Variants in KIF5C observed in about 807,000 individuals in gnomAD.
KIF5C encodes kinesin family member 5C, also known as kinesin heavy chain isoform 5C.
Under a neutral mutation model 125.2 loss-of-function variants are expected in KIF5C, and 18 were observed. The observed-to-expected ratio is 0.14, with a 90% CI of 0.10 to 0.21. The LOEUF is 0.21. Among genes scored for constraint, KIF5C ranks in the 10% least tolerant of loss-of-function variants. KIF5C has a pLI of 1.00. For missense variants in KIF5C, 780 were observed against 1,183.8 expected, an observed-to-expected ratio of 0.66 and a Z score of 5.01; for synonymous variants, 405 against 434.0, an observed-to-expected ratio of 0.93 and a Z score of 0.83.
At chr2:148,988,172 T>C (rs182158691) in intron 15 of KIF5C, among the ~76,000 whole-genome samples, 1 of 151,962 alleles carries the variant, frequency 6.6e-6, no homozygotes, top group Non-Finnish European at 1.5e-5. Flanking sequence ...TTTTTTTAAA[T>C]AACAGTGTCC....
chr2:149,000,029 G>C (rs943968354), intron 19 of KIF5C: 1 of 166,562 alleles, frequency 6.0e-6, no homozygotes, highest in Non-Finnish European at 1.3e-5. Context: ...GACCAGAAAT[G>C]AGGGAAGGTG....
rs1181652502 is a variant in KIF5C at position 148,879,900 on chromosome 2, C to G, written c.126+4157C>G. ...CAGAGCAAAACATCAGCCACAAACC[C>G]TAAGCTGGAAAGTGGCCCCAGTCTT... On this transcript the variant is annotated intron_variant, in intron 1 of 25. Transcript: ENST00000435030. 3 of 152,284 alleles carry G rather than the reference C, an allele frequency of 2.0e-5. No individual in the cohort carries two copies. The East Asian group carries it at 5.8e-4, about 29-fold the overall frequency. The allele number at this position is 152,284 out of a possible 1,614,324, so 9.4% of individuals were successfully genotyped here. A position where few individuals can be genotyped will look rare whatever the true frequency, so the allele number is the denominator to read the frequency against.
chr2:148,998,102 G>A (rs749197920), intron 18 of KIF5C: 15 of 412,122 alleles, frequency 3.6e-5, no homozygotes, highest in Non-Finnish European at 5.4e-5. Flanking sequence ...GGTGCCCTCT[G>A]ACTGACCTGG....
At chr2:148,902,147 C>T (rs11901786) in intron 1 of KIF5C, among the ~76,000 whole-genome samples, 32,593 of 151,914 alleles carry the variant, frequency 0.21, 6,562 homozygotes, top group African/African-American at 0.53. Flanking sequence ...TGTTAATGCC[C>T]CCTGTCTGTG....
intron 25 of KIF5C, among the ~76,000 whole-genome samples, chr2:149,019,270 G>A (rs1358089881): frequency 2.0e-5 from 3 of 152,188 alleles, no homozygotes; most frequent in African/African-American, 7.2e-5. Flanking sequence ...GCTTGTCTGG[G>A]ATTGAATGAG....
chr2:148,971,056 T>G (rs1680887994), intron 11 of KIF5C, among the ~76,000 whole-genome samples: 1 of 152,134 alleles, frequency 6.6e-6, no homozygotes, highest in South Asian at 2.1e-4. Context: ...GTTCCCAAAT[T>G]TCAGAAGCTA....
At position 148,897,908 on chromosome 2, in the gene KIF5C, G is replaced by A. The variant is rs983527658; in HGVS notation, c.126+22165G>A. Among the ~76,000 whole-genome samples, 5 of 72,768 alleles carry A rather than the reference G, an allele frequency of 6.9e-5. No homozygotes were observed. In the Admixed American group the frequency reaches 9.2e-4, roughly 13 times the overall value. The allele number at this position is 72,768 out of a possible 152,430, so 47.7% of individuals were successfully genotyped here. On this transcript the variant is annotated intron_variant, in intron 1 of 25. Coordinates refer to ENST00000435030, the MANE Select transcript of KIF5C (RefSeq NM_004522.3). ...TACTCCAGCCTGGCTGACAGAGTAAGACTCAGTCTCAAAAAAAAAAAAAAA... is the reference window on the plus strand; with the variant it reads ...TACTCCAGCCTGGCTGACAGAGTAAAACTCAGTCTCAAAAAAAAAAAAAAA...
chr2:148,995,424 T>C (rs766130832), intron 17 of KIF5C, among the ~76,000 whole-genome samples: 2 of 152,182 alleles, frequency 1.3e-5, no homozygotes, highest in African/African-American at 4.8e-5. Context: ...CTTAGGGAAG[T>C]GCCTCGCACA....
In KIF5C at chr2:148,991,201, G is replaced by A. The variant is rs756781757; in HGVS notation, c.1905+3G>A. The stretch of plus-strand genomic sequence containing the variant: ...CCTGCCAGCTGCTCATCTCCCAGGT[G>A]GGCCCTTCCCTTCCCCATCATTGCA... On this transcript the variant is annotated splice_donor_region_variant and intron_variant, in intron 16 of 25. Coordinates refer to ENST00000435030, the MANE Select transcript of KIF5C (RefSeq NM_004522.3). The A allele has an allele frequency of 6.2e-7, 1 of 1,612,604 alleles. No homozygotes were observed. Among genetic ancestry groups the A allele is most frequent in the Non-Finnish European group, 8.5e-7 (1 of 1,179,450 alleles).
chr2:148,935,090 G>T (rs564536320), intron 3 of KIF5C: 2 of 406,528 alleles, frequency 4.9e-6, no homozygotes, highest in East Asian at 1.9e-4. Flanking sequence ...GGGATGGGAG[G>T]CATTATTATG....
At chr2:148,895,328 G>C (rs963149487) in intron 1 of KIF5C, among the ~76,000 whole-genome samples, 4 of 152,068 alleles carry the variant, frequency 2.6e-5, no homozygotes, top group African/African-American at 9.7e-5. Context: ...AGTAGAAATG[G>C]GGTTTCACCA....
intron 17 of KIF5C, among the ~76,000 whole-genome samples, chr2:148,996,251 G>A (rs1362155793): frequency 6.6e-6 from 1 of 152,222 alleles, no homozygotes; most frequent in African/African-American, 2.4e-5. Flanking sequence ...GCTGTTATCA[G>A]TATTTATATC....
chr2:148,937,221 C>T (rs1682309683), intron 3 of KIF5C, 63 bp from the exon 4 acceptor site: 2 of 1,529,892 alleles, frequency 1.3e-6, no homozygotes, highest in African/African-American at 1.4e-5. Context: ...AGATGGTTCT[C>T]CCTCTCTCTC....
At chr2:149,000,564 C>G in intron 20 of KIF5C, 40 bp downstream of exon 20, 1 of 1,547,048 alleles carries the variant, frequency 6.5e-7, no homozygotes, top group Non-Finnish European at 8.8e-7. Flanking sequence ...TTCTCTCATC[C>G]CCATGATATT....
chr2:148,967,971 GGT>G (rs1680792529), intron 11 of KIF5C, among the ~76,000 whole-genome samples: 1 of 151,982 alleles, frequency 6.6e-6, no homozygotes. Flanking sequence ...GGGAGGGCGG[GGT>G]GAAGTCTGGA....
At chr2:148,918,628 C>A (rs1186811915) in intron 1 of KIF5C, among the ~76,000 whole-genome samples, 2 of 152,124 alleles carry the variant, frequency 1.3e-5, no homozygotes, top group East Asian at 3.8e-4. Flanking sequence ...GAGTTAAGAG[C>A]AAAGGCTGTG....
intron 25 of KIF5C, among the ~76,000 whole-genome samples, chr2:149,012,868 C>T (rs1682252631): frequency 6.6e-6 from 1 of 152,224 alleles, no homozygotes; most frequent in South Asian, 2.1e-4. Context: ...TAGAATGAAA[C>T]TGGAAGTTAG....
intron 7 of KIF5C, 114 bp downstream of exon 7, chr2:148,942,874 A>G: frequency 6.6e-7 from 1 of 1,522,816 alleles, no homozygotes; most frequent in Non-Finnish European, 8.9e-7. Context: ...GAAGGTGATT[A>G]AAGAGCAGTG....
At chr2:148,985,733 T>C (rs992213461) in intron 15 of KIF5C, among the ~76,000 whole-genome samples, 1 of 152,198 alleles carries the variant, frequency 6.6e-6, no homozygotes, top group African/African-American at 2.4e-5. Context: ...GCTGGGATTG[T>C]TAAATACTGG....
Sources: allele counts gnomAD v4.1 joint callset (sites outside exome capture counted in the v4.1 genomes callset), GRCh38; gene constraint gnomAD v4.1.1; transcripts MANE v1.5; gene names NCBI Gene and HGNC (gene_info 2026-07-23, HGNC 2026-07-21).